The following JAKMIP1 variants were observed in gnomAD, a reference collection of about 807,000 sequenced individuals.
JAKMIP1 encodes the protein janus kinase and microtubule-interacting protein 1.
In JAKMIP1, 33 loss-of-function variants were observed where a neutral mutation model predicts 113.0. That is an observed-to-expected ratio of 0.29 (90% CI 0.22 to 0.39). The LOEUF (loss-of-function observed/expected upper bound fraction) is 0.39, where lower values mean the gene tolerates loss of function less well. Among genes scored for constraint, JAKMIP1 ranks in the 10% least tolerant of loss-of-function variants. The pLI is 1.00. For missense variants in JAKMIP1, 813 were observed against 1,080.5 expected, an observed-to-expected ratio of 0.75 and a Z score of 3.47; for synonymous variants, 480 against 459.9, an observed-to-expected ratio of 1.04 and a Z score of -0.56.
chr4:6,037,443 T>C (rs77125123), intron 18 of JAKMIP1, among the ~76,000 whole-genome samples: 6 of 94,150 alleles, frequency 6.4e-5, no homozygotes, highest in Admixed American at 1.0e-4. Context: ...GAGGCAGAGG[T>C]TAACCCAGTA....
At chr4:6,078,546 T>A (rs1001613479) in intron 8 of JAKMIP1, among the ~76,000 whole-genome samples, 1 of 152,076 alleles carries the variant, frequency 6.6e-6, no homozygotes, top group African/African-American at 2.4e-5. Flanking sequence ...CAAAAAAGAC[T>A]ACAGTTCTGC....
rs1302576511 is a variant in JAKMIP1, at chr4:6,089,601, T to G, written c.625-3972A>C. ...CTCTCCAAGCCCTCCCTGTCCCCTCTGCCCCAAAGGAACAGAGTCCGGTTG... is the reference window on the plus strand; with the variant it reads ...CTCTCCAAGCCCTCCCTGTCCCCTCGGCCCCAAAGGAACAGAGTCCGGTTG... On this transcript the variant is annotated intron_variant, in intron 3 of 20. Coordinates refer to ENST00000409021, the MANE Select transcript of JAKMIP1 (RefSeq NM_001099433.2). This position sits in a 1 kb window ranked among gnomAD's most constrained non-coding sequence, Gnocchi z 5.3. Among the ~76,000 whole-genome samples the G allele has an allele frequency of 6.6e-6, 1 of 152,180 alleles. No individual in the cohort carries two copies. The highest frequency in any genetic ancestry group is 1.5e-5 in the Non-Finnish European group (1 of 68,030).
Position 6,180,419 on chromosome 4 carries a change from A to G in JAKMIP1, c.-148+19834T>C, listed in dbSNP as rs1725885579. 6.6e-6 allele frequency among the ~76,000 whole-genome samples: 1 copy of G among 152,206 alleles called. No individual in the cohort carries two copies. The highest frequency in any genetic ancestry group is 2.4e-5 in the African/African-American group (1 of 41,454). On this transcript the variant is annotated intron_variant, in intron 1 of 20. Coordinates refer to ENST00000409021, the MANE Select transcript of JAKMIP1 (RefSeq NM_001099433.2). This position sits in a 1 kb window ranked among gnomAD's most constrained non-coding sequence, Gnocchi z 4.5. ...TATAAAATCTTATCAGCTGCTGAAC[A>G]GGAGAGAAACTTGGAGGTGAGGATA...
At chr4:6,103,202 C>T (rs992653450) in intron 3 of JAKMIP1, among the ~76,000 whole-genome samples, 2 of 152,004 alleles carry the variant, frequency 1.3e-5, no homozygotes, top group African/African-American at 4.8e-5. Context: ...TCCTGGTTTT[C>T]GGAGAGTTTA....
At position 6,120,385 on chromosome 4, in the gene JAKMIP1, G is replaced by C. The variant is rs571318495; in HGVS notation, c.-147-7388C>G. Among the ~76,000 whole-genome samples the C allele has an allele frequency of 3.9e-5, 6 of 152,338 alleles. No individual in the cohort carries two copies. The South Asian group carries it at 1.2e-3, about 32-fold the overall frequency. ...TAAGGAAGCAATTCCCGAAAGGAAA[G>C]AGCAATCTGCCTAAAGATGTTGCGA... On this transcript the variant is annotated intron_variant, in intron 1 of 20. Coordinates refer to ENST00000409021, the MANE Select transcript of JAKMIP1 (RefSeq NM_001099433.2).
At chr4:6,054,217 C>T in intron 12 of JAKMIP1, 69 bp from the exon 13 acceptor site, 1 of 1,480,984 alleles carries the variant, frequency 6.8e-7, no homozygotes, top group East Asian at 2.3e-5. Context: ...CACAGGCCAC[C>T]TGACTGAGTG....
At chr4:6,110,507 A>T (rs1369076060) in intron 2 of JAKMIP1, among the ~76,000 whole-genome samples, 1 of 150,246 alleles carries the variant, frequency 6.7e-6, no homozygotes, top group Non-Finnish European at 1.5e-5. Context: ...TGGCTTGCTC[A>T]CCTGTAACAC....
chr4:6,134,252 G>A (rs970391121), intron 1 of JAKMIP1, among the ~76,000 whole-genome samples: 1 of 152,148 alleles, frequency 6.6e-6, no homozygotes, highest in African/African-American at 2.4e-5. Flanking sequence ...ATGATTGTAA[G>A]TTTCCTGAGG....
rs573864160 is a variant in JAKMIP1 at position 6,072,162 on chromosome 4, C to T, written c.1302+6777G>A. On this transcript the variant is annotated intron_variant, in intron 8 of 20. Transcript: ENST00000409021. ...TACATAATTAGGACTATTCCCCTAC[C>T]TGCTCCGTTTCTCTCACAACCTGTG... Among the ~76,000 whole-genome samples the T allele has an allele frequency of 2.6e-5, 4 of 152,320 alleles. No homozygotes were observed. The South Asian group carries it at 8.3e-4, about 32-fold the overall frequency.
At chr4:6,070,274 C>G in intron 8 of JAKMIP1, 1 of 394,428 alleles carries the variant, frequency 2.5e-6, no homozygotes, top group East Asian at 3.6e-5. Context: ...AGCACCAATT[C>G]TCTCCCCACG....
chr4:6,173,163 G>C (rs946325379), intron 1 of JAKMIP1, among the ~76,000 whole-genome samples: 35 of 152,318 alleles, frequency 2.3e-4, no homozygotes, highest in African/African-American at 7.9e-4. Context: ...TACCATACAG[G>C]GGGTAGAATC....
At position 6,179,994 on chromosome 4, in the gene JAKMIP1, T is replaced by C. The variant is rs971450811; in HGVS notation, c.-148+20259A>G. On this transcript the variant is annotated intron_variant, in intron 1 of 20. Transcript: ENST00000409021. The surrounding 1 kb of genome is among the most constrained non-coding windows in gnomAD (Gnocchi z 4.5). The stretch of plus-strand genomic sequence containing the variant: ...TTTTCTATCCCTAGGACCAGCAGCA[T>C]GCCTGACATCCTCTTAGAAGCCATG... Among the ~76,000 whole-genome samples the C allele has an allele frequency of 3.3e-5, 5 of 152,218 alleles. No homozygotes were observed. Among genetic ancestry groups the C allele is most frequent in the African/African-American group, 9.7e-5 (4 of 41,450 alleles).
Position 6,064,901 on chromosome 4 carries a change from C to A in JAKMIP1, c.1410G>T (p.Thr470=). ...NTDRTDRTPA[T]PEEDLDDATA... ...TTACATCGTCCAAGTCTTCTTCGGGCGTGGCTGGGGTCCTGTCTGTCCTGT... is the reference window on the plus strand; with the variant it reads ...TTACATCGTCCAAGTCTTCTTCGGGAGTGGCTGGGGTCCTGTCTGTCCTGT... Residue 470 remains threonine (T), a synonymous_variant, in exon 9 of 21, where the codon ACG becomes ACT. Transcript: ENST00000409021. This position sits in a 1 kb window ranked among gnomAD's most constrained non-coding sequence, Gnocchi z 4.3. 1 of 1,614,110 alleles carries A rather than the reference C, an allele frequency of 6.2e-7. No individual in the cohort carries two copies. Among genetic ancestry groups the A allele is most frequent in the Non-Finnish European group, 8.5e-7 (1 of 1,180,024 alleles).
chr4:6,076,569 C>A lies in JAKMIP1; in HGVS notation c.1302+2370G>T, dbSNP rs1719725192. ...CACTCTAAGTGGCATTACCTGAACG[C>A]TGCAGTAAAGGCCACCAGGAGGCAG... On this transcript the variant is annotated intron_variant, in intron 8 of 20. Coordinates refer to ENST00000409021, the MANE Select transcript of JAKMIP1 (RefSeq NM_001099433.2). This position sits in a 1 kb window ranked among gnomAD's most constrained non-coding sequence, Gnocchi z 4.8. 6.6e-6 allele frequency among the ~76,000 whole-genome samples: 1 copy of A among 152,166 alleles called. No individual in the cohort carries two copies. The highest frequency in any genetic ancestry group is 1.5e-5 in the Non-Finnish European group (1 of 68,028).
rs550660251 is a variant in JAKMIP1, at chr4:6,062,443, T to C, written c.1432-3A>G. 76 of 1,611,818 alleles carry C rather than the reference T, an allele frequency of 4.7e-5. 1 individual carries two copies. In the South Asian group the frequency reaches 7.9e-4, roughly 17 times the overall value. On this transcript the variant is annotated splice_polypyrimidine_tract_variant and splice_region_variant and intron_variant, in intron 9 of 20. Coordinates refer to ENST00000409021, the MANE Select transcript of JAKMIP1 (RefSeq NM_001099433.2). ...TCAGCCTCCTCTCGGGCTGTGGCCTTCACATAATGGAGAAGAAAACAAATA... is the reference window on the plus strand; with the variant it reads ...TCAGCCTCCTCTCGGGCTGTGGCCTCCACATAATGGAGAAGAAAACAAATA...
intron 8 of JAKMIP1, among the ~76,000 whole-genome samples, chr4:6,074,259 C>G (rs141292290): frequency 6.6e-6 from 1 of 152,356 alleles, no homozygotes; most frequent in Non-Finnish European, 1.5e-5. Context: ...CAAGGCTCTG[C>G]CCTGACTGCA....
intron 1 of JAKMIP1, among the ~76,000 whole-genome samples, chr4:6,134,601 T>A (rs1345691700): frequency 6.6e-6 from 1 of 152,210 alleles, no homozygotes; most frequent in East Asian, 1.9e-4. Context: ...ACAGCTCTGA[T>A]CACGCTGTGC....
intron 1 of JAKMIP1, among the ~76,000 whole-genome samples, chr4:6,144,148 T>C (rs1015653248): frequency 2.6e-5 from 4 of 152,218 alleles, no homozygotes; most frequent in Non-Finnish European, 5.9e-5. Flanking sequence ...TGATGCAAAT[T>C]GGTCCTTTAA....
In JAKMIP1 at chr4:6,151,856, T is replaced by A. The variant is rs1721607411; in HGVS notation, c.-147-38859A>T. On this transcript the variant is annotated intron_variant, in intron 1 of 20. Coordinates refer to ENST00000409021, the MANE Select transcript of JAKMIP1 (RefSeq NM_001099433.2). ...CAATAACCATACCAAACTCATAGTGTTGTTATGAGAATTAAACAAGACAAT... is the reference window on the plus strand; with the variant it reads ...CAATAACCATACCAAACTCATAGTGATGTTATGAGAATTAAACAAGACAAT... 4.6e-5 allele frequency among the ~76,000 whole-genome samples: 7 copies of A among 152,344 alleles called. 1 individual carries two copies. In the South Asian group the frequency reaches 1.5e-3, roughly 32 times the overall value.
Sources: gnomAD v4.1 joint callset for allele counts (sites outside exome capture counted in the v4.1 genomes callset) on GRCh38, gnomAD v4.1.1 for gene constraint, Gnocchi (gnomAD v3.1) non-coding constraint, MANE v1.5 for transcripts, NCBI Gene and HGNC (gene_info 2026-07-23, HGNC 2026-07-21) for gene names.